Variants in SPTB observed in about 807,000 individuals in gnomAD.
SPTB encodes spectrin beta, erythrocytic.
SPTB carries 45 observed loss-of-function variants against 256.2 expected under a neutral mutation model. The ratio of observed to expected loss-of-function variants is 0.18; its 90% CI spans 0.14 to 0.23. SPTB has a LOEUF of 0.23. Ranked by LOEUF, SPTB falls within the 10% of genes least tolerant of loss-of-function variation. The pLI, the probability that SPTB is intolerant of heterozygous loss-of-function variation, is 1.00. For synonymous variants in SPTB, 1,231 were observed against 1,243.1 expected (o/e 0.99, Z 0.21); for missense variants, 2,715 against 3,040.4 (o/e 0.89, Z 2.52).
chr14:64,857,456 T>C lies in SPTB; in HGVS notation c.-52+22336A>G, dbSNP rs544438475. ...AATTAGCCATGCATGGTGGTATGCA[T>C]GTATAGTCCCAGCTACTTGGCTGAA... is the stretch of plus-strand genomic sequence containing the variant. On this transcript the variant is annotated intron_variant, in intron 1 of 35. Coordinates refer to ENST00000644917, the MANE Select transcript of SPTB (RefSeq NM_001355436.2). 5.9e-5 allele frequency among the ~76,000 whole-genome samples: 9 copies of C among 151,714 alleles called. No individual in the cohort carries two copies. The East Asian group carries it at 1.6e-3, about 26-fold the overall frequency.
chr14:64,827,221 C>T lies in SPTB; in HGVS notation c.-51-4076G>A, dbSNP rs1254572980. Among the ~76,000 whole-genome samples the T allele has an allele frequency of 2.0e-5, 3 of 152,162 alleles. No homozygotes were observed. Among genetic ancestry groups the T allele is most frequent in the African/African-American group, 7.2e-5 (3 of 41,412 alleles). On this transcript the variant is annotated intron_variant, in intron 1 of 35. Coordinates refer to ENST00000644917, the MANE Select transcript of SPTB (RefSeq NM_001355436.2). The surrounding 1 kb of genome is among the most constrained non-coding windows in gnomAD (Gnocchi z 4.6). ...GTTCTCTTTTCTCCATCCTCTAGTC[C>T]CCCAACAAAGTAAACAGCATCCTCT...
intron 33 of SPTB, chr14:64,752,425 G>C (rs1039541420): frequency 4.6e-6 from 2 of 434,966 alleles, no homozygotes; most frequent in African/African-American, 2.2e-5. Context: ...GCCATTTTAC[G>C]AAGCCCCATT....
At position 64,772,674 on chromosome 14, in the gene SPTB, A is replaced by G; in HGVS notation, c.5459T>C (p.Leu1820Pro). ...LGLIDEKHRE[L>P]PEDVGLDAST... ...GGCGTCCAGCCCCACGTCCTCGGGC[A>G]GCTCGCGGTGCTTCTCGTCGATGAG... is the stretch of plus-strand genomic sequence containing the variant. Residue 1820 changes from leucine to proline, a missense_variant, in exon 26 of 36, where the codon CTG becomes CCG. Transcript: ENST00000644917. This position sits in a 1 kb window ranked among gnomAD's most constrained non-coding sequence, Gnocchi z 5.4. 6.2e-7 allele frequency: 1 copy of G among 1,613,592 alleles called. No homozygotes were observed. Among genetic ancestry groups the G allele is most frequent in the Non-Finnish European group, 8.5e-7 (1 of 1,179,858 alleles).
At chr14:64,794,420 G>C (rs2082729748) in intron 13 of SPTB, 47 bp downstream of exon 13, 1 of 1,609,702 alleles carries the variant, frequency 6.2e-7, no homozygotes. Flanking sequence ...CCAGAGGTGA[G>C]GCTCTGGCAT....
At position 64,793,975 on chromosome 14, in the gene SPTB, T is replaced by C; in HGVS notation, c.1796-108A>G. On this transcript the variant is annotated intron_variant, in intron 13 of 35. Transcript: ENST00000644917. The surrounding 1 kb of genome is among the most constrained non-coding windows in gnomAD (Gnocchi z 7.0). ...ACTACACAACCCTGAAGCTGCCATG[T>C]CACTGGGGCTTTGGGGTTGGATGCA... 3.4e-6 allele frequency: 4 copies of C among 1,182,930 alleles called. No individual in the cohort carries two copies. The South Asian group carries it at 4.7e-5, about 14-fold the overall frequency. The allele number at this position is 1,182,930 out of a possible 1,614,324, so 73.3% of individuals were successfully genotyped here. A position where few individuals can be genotyped will look rare whatever the true frequency, so the allele number is the denominator to read the frequency against.
intron 32 of SPTB, 64 bp from the exon 33 acceptor site, chr14:64,753,857 A>C: frequency 3.8e-6 from 6 of 1,598,928 alleles, no homozygotes; most frequent in African/African-American, 1.3e-5. Context: ...GGCTGTTCTC[A>C]GCAAAATTGG....
rs536512101 is a variant in SPTB, at chr14:64,853,855, T to C, written c.-52+25937A>G. Among the ~76,000 whole-genome samples the C allele has an allele frequency of 2.0e-5, 3 of 152,270 alleles. No homozygotes were observed. Among genetic ancestry groups the C allele is most frequent in the African/African-American group, 7.2e-5 (3 of 41,556 alleles). Reference sequence around the variant, plus strand: ...GGAGCTTAGTAAAATTTAACACTTATCATTGGTATGACTCAAGAGACATTT... The same window carrying C: ...GGAGCTTAGTAAAATTTAACACTTACCATTGGTATGACTCAAGAGACATTT... On this transcript the variant is annotated intron_variant, in intron 1 of 35. Coordinates refer to ENST00000644917, the MANE Select transcript of SPTB (RefSeq NM_001355436.2). This position sits in a 1 kb window ranked among gnomAD's most constrained non-coding sequence, Gnocchi z 4.3.
chr14:64,753,935 C>T (rs1052921955), intron 32 of SPTB, 142 bp from the exon 33 acceptor site: 31 of 1,107,024 alleles, frequency 2.8e-5, no homozygotes, highest in South Asian at 4.0e-5. Context: ...CCTGGCCCAC[C>T]CTGGCTCTCC....
chr14:64,782,989 G>T (rs2082498486), intron 19 of SPTB, among the ~76,000 whole-genome samples: 1 of 152,236 alleles, frequency 6.6e-6, no homozygotes, highest in African/African-American at 2.4e-5. Context: ...TTGCAGACAA[G>T]GGTCAGCTGC....
rs927216270 is a variant in SPTB, at chr14:64,777,401, C to G, written c.4563+1756G>C. ...ACAGATGCAGCTAGGGGCCTACCCC[C>G]AGAGATCCTAATTGATCTGAGGTGA... On this transcript the variant is annotated intron_variant, in intron 22 of 35. Coordinates refer to ENST00000644917, the MANE Select transcript of SPTB (RefSeq NM_001355436.2). The surrounding 1 kb of genome is among the most constrained non-coding windows in gnomAD (Gnocchi z 4.5). Among the ~76,000 whole-genome samples the G allele has an allele frequency of 1.3e-5, 2 of 152,196 alleles. No homozygotes were observed. The highest frequency in any genetic ancestry group is 2.9e-5 in the Non-Finnish European group (2 of 68,026).
At chr14:64,819,611 C>T (rs1162538286) in intron 2 of SPTB, among the ~76,000 whole-genome samples, 1 of 152,096 alleles carries the variant, frequency 6.6e-6, no homozygotes, top group Admixed American at 6.5e-5. Flanking sequence ...GGGAAAGAGC[C>T]CAGAGCTCCA....
intron 1 of SPTB, among the ~76,000 whole-genome samples, chr14:64,877,848 C>T (rs139514415): frequency 2.0e-5 from 3 of 152,340 alleles, no homozygotes; most frequent in East Asian, 1.9e-4. Context: ...AGTCTTGCTC[C>T]TGTCATACCT....
Position 64,853,516 on chromosome 14 carries a change from G to C in SPTB, c.-52+26276C>G, listed in dbSNP as rs1288525516. Among the ~76,000 whole-genome samples, 1 of 152,210 alleles carries C rather than the reference G, an allele frequency of 6.6e-6. No individual in the cohort carries two copies. Among genetic ancestry groups the C allele is most frequent in the Non-Finnish European group, 1.5e-5 (1 of 68,040 alleles). On this transcript the variant is annotated intron_variant, in intron 1 of 35. Coordinates refer to ENST00000644917, the MANE Select transcript of SPTB (RefSeq NM_001355436.2). This position sits in a 1 kb window ranked among gnomAD's most constrained non-coding sequence, Gnocchi z 4.3. Reference sequence around the variant, plus strand: ...AGTGATTCACAGCTGGTGACCACAGGGAGAACAGTTTCAGTAGGGCACGGG... The same window carrying C: ...AGTGATTCACAGCTGGTGACCACAGCGAGAACAGTTTCAGTAGGGCACGGG...
intron 32 of SPTB, chr14:64,756,950 G>C (rs535789085): frequency 1.4e-4 from 22 of 152,528 alleles, no homozygotes; most frequent in African/African-American, 5.3e-4. Context: ...CAGGGAGGAA[G>C]AGCAGGAGAG....
chr14:64,860,246 T>C (rs914825991), intron 1 of SPTB, among the ~76,000 whole-genome samples: 2 of 152,224 alleles, frequency 1.3e-5, no homozygotes, highest in Non-Finnish European at 1.5e-5. Context: ...GATCCTCTTA[T>C]CACCATCAAC....
chr14:64,840,175 T>C (rs1414717656), intron 1 of SPTB, among the ~76,000 whole-genome samples: 1 of 152,226 alleles, frequency 6.6e-6, no homozygotes, highest in Non-Finnish European at 1.5e-5. Flanking sequence ...TATACTCTGC[T>C]CCATGATGTA....
chr14:64,840,260 C>G (rs2139749794), intron 1 of SPTB, among the ~76,000 whole-genome samples: 1 of 152,310 alleles, frequency 6.6e-6, no homozygotes, highest in Non-Finnish European at 1.5e-5. Context: ...ACCTTAGGAT[C>G]CCTCCAAGTG....
intron 1 of SPTB, among the ~76,000 whole-genome samples, chr14:64,872,362 C>T (rs1374101480): frequency 1.3e-5 from 2 of 152,186 alleles, no homozygotes; most frequent in African/African-American, 2.4e-5. Context: ...CCTGAACCAC[C>T]GCAGTAGCTT....
chr14:64,801,530 G>A lies in SPTB; in HGVS notation c.648-130C>T, dbSNP rs187310028. 231 of 821,452 alleles carry A rather than the reference G, an allele frequency of 2.8e-4. 1 individual carries two copies. Among genetic ancestry groups the A allele is most frequent in the Admixed American group, 4.7e-4 (24 of 51,196 alleles). The allele number at this position is 821,452 out of a possible 1,614,324, so 50.9% of individuals were successfully genotyped here. On this transcript the variant is annotated intron_variant, in intron 6 of 35. Transcript: ENST00000644917. ...GGCAGGAGGAGTGAAAGGAGGAGAT[G>A]GGAGCAGAGGAGAGGGGGCAGGTGT... is the stretch of plus-strand genomic sequence containing the variant.
Sources: gnomAD v4.1 joint callset for allele counts (sites outside exome capture counted in the v4.1 genomes callset) on GRCh38, gnomAD v4.1.1 for gene constraint, Gnocchi (gnomAD v3.1) non-coding constraint, MANE v1.5 for transcripts, NCBI Gene and HGNC (gene_info 2026-07-23, HGNC 2026-07-21) for gene names.